Variants in CCSER1 observed in about 807,000 individuals in gnomAD.
The protein encoded by CCSER1 is coiled-coil serine rich protein 1.
CCSER1 carries 41 observed loss-of-function variants against 82.0 expected under a neutral mutation model. The ratio of observed to expected loss-of-function variants is 0.50; its 90% CI spans 0.39 to 0.65. The LOEUF is 0.65. Ranked by LOEUF, CCSER1 falls within the 30% of genes least tolerant of loss-of-function variation. CCSER1 has a pLI of 0.00. For missense variants in CCSER1, 1,119 were observed against 1,064.2 expected (o/e 1.05, Z -0.72); for synonymous variants, 414 against 383.9 (o/e 1.08, Z -0.92).
chr4:91,340,946 C>T (rs1747683621), intron 10 of CCSER1, among the ~76,000 whole-genome samples: 1 of 152,252 alleles, frequency 6.6e-6, no homozygotes, highest in Middle Eastern at 3.4e-3. Flanking sequence ...TAGTCAGGAT[C>T]TATTGGCCTA....
chr4:91,521,578 G>C (rs12644099), intron 10 of CCSER1, among the ~76,000 whole-genome samples: 15,242 of 152,206 alleles, frequency 0.1, 840 homozygotes, highest in South Asian at 0.21. Context: ...CATGCTAACT[G>C]GTGCAAGATG....
At chr4:90,319,429 G>T (rs1173377890) in intron 3 of CCSER1, among the ~76,000 whole-genome samples, 1 of 152,048 alleles carries the variant, frequency 6.6e-6, no homozygotes, top group East Asian at 1.9e-4. Flanking sequence ...AGGTGGGCGG[G>T]TCATGAGGTT....
intron 3 of CCSER1, among the ~76,000 whole-genome samples, chr4:90,363,603 A>G: frequency 1.7e-5 from 2 of 114,716 alleles, no homozygotes; most frequent in East Asian, 4.3e-4. Context: ...TTTCAAGGGC[A>G]GAAAGAAAAA....
chr4:90,712,901 CTCT>C (rs1740906662), intron 6 of CCSER1, among the ~76,000 whole-genome samples: 1 of 128,886 alleles, frequency 7.8e-6, no homozygotes, highest in African/African-American at 2.9e-5. Context: ...TGTCCTTCGT[CTCT>C]TTTTTTTTTT....
chr4:90,994,071 C>G (rs1204112880), intron 9 of CCSER1, among the ~76,000 whole-genome samples: 2 of 151,958 alleles, frequency 1.3e-5, no homozygotes, highest in African/African-American at 4.8e-5. Context: ...CACTGGCATG[C>G]TCACGTAGTC....
intron 9 of CCSER1, among the ~76,000 whole-genome samples, chr4:91,034,078 C>T (rs1741226169): frequency 6.6e-6 from 1 of 152,162 alleles, no homozygotes; most frequent in Admixed American, 6.6e-5. Flanking sequence ...AAATCTCAGT[C>T]ACAAACATGA....
chr4:91,389,241 G>A (rs570786697), intron 10 of CCSER1, among the ~76,000 whole-genome samples: 16 of 151,354 alleles, frequency 1.1e-4, no homozygotes, highest in Admixed American at 1.1e-3. Context: ...TTTTTGTGAA[G>A]AGTGTTAAGA....
At chr4:90,722,837 T>G (rs1004205393) in intron 6 of CCSER1, among the ~76,000 whole-genome samples, 4 of 151,944 alleles carry the variant, frequency 2.6e-5, no homozygotes, top group Admixed American at 1.3e-4. Flanking sequence ...TATTGTACAT[T>G]TGAATACAGT....
intron 10 of CCSER1, among the ~76,000 whole-genome samples, chr4:91,344,108 G>A (rs1370965692): frequency 6.6e-6 from 1 of 152,128 alleles, no homozygotes; most frequent in Non-Finnish European, 1.5e-5. Flanking sequence ...AAGAAGTGGG[G>A]CCTTTAGAAG....
intron 3 of CCSER1, among the ~76,000 whole-genome samples, chr4:90,372,000 A>G (rs1262090808): frequency 1.3e-5 from 2 of 152,234 alleles, no homozygotes; most frequent in East Asian, 1.9e-4. Flanking sequence ...GTGTTCACAT[A>G]TTAACCCATA....
chr4:91,154,548 A>G (rs1270419530), intron 10 of CCSER1, among the ~76,000 whole-genome samples: 1 of 151,934 alleles, frequency 6.6e-6, no homozygotes, highest in East Asian at 1.9e-4. Flanking sequence ...ACTGTCCAAC[A>G]AGCTCCAGTG....
intron 1 of CCSER1, among the ~76,000 whole-genome samples, chr4:90,232,448 C>A (rs1744794289): frequency 6.6e-6 from 1 of 152,108 alleles, no homozygotes; most frequent in African/African-American, 2.4e-5. Context: ...GGATCCCTTC[C>A]TTACACCTTA....
chr4:90,440,893 CT>C (rs1177300070), intron 4 of CCSER1, among the ~76,000 whole-genome samples: 3 of 151,958 alleles, frequency 2.0e-5, no homozygotes, highest in Admixed American at 6.6e-5. Flanking sequence ...AAAGAAGACA[CT>C]TGCCCTATTC....
chr4:90,304,101 C>T (rs1282411643), intron 1 of CCSER1, among the ~76,000 whole-genome samples: 2 of 152,014 alleles, frequency 1.3e-5, no homozygotes, highest in African/African-American at 4.8e-5. Context: ...CAATGAGATA[C>T]CATCTCACAC....
chr4:91,391,086 GT>G (rs925723721), intron 10 of CCSER1, among the ~76,000 whole-genome samples: 5 of 150,956 alleles, frequency 3.3e-5, no homozygotes, highest in East Asian at 1.9e-4. Flanking sequence ...TAATTTTCAT[GT>G]TTTTTTTAAT....
intron 7 of CCSER1, among the ~76,000 whole-genome samples, chr4:90,803,275 C>A (rs1396826494): frequency 6.6e-6 from 1 of 152,080 alleles, no homozygotes; most frequent in Non-Finnish European, 1.5e-5. Context: ...AGTTTTCTTA[C>A]ACAGGTATAC....
chr4:91,373,183 A>G (rs1056359105), intron 10 of CCSER1, among the ~76,000 whole-genome samples: 42 of 152,062 alleles, frequency 2.8e-4, no homozygotes, highest in African/African-American at 9.9e-4. Flanking sequence ...ATTATAGGCC[A>G]CATTTCTCCC....
intron 10 of CCSER1, among the ~76,000 whole-genome samples, chr4:91,572,250 C>T (rs1380253312): frequency 6.6e-6 from 1 of 152,080 alleles, no homozygotes. Context: ...GTGGTATCAC[C>T]AGAGAAGGCT....
At chr4:90,473,227 A>T (rs1363565962) in intron 5 of CCSER1, among the ~76,000 whole-genome samples, 1 of 152,184 alleles carries the variant, frequency 6.6e-6, no homozygotes, top group East Asian at 1.9e-4. Flanking sequence ...TTTTTTAGAA[A>T]TGTGCTTGTT....
Sources: gnomAD v4.1 joint callset for allele counts (sites outside exome capture counted in the v4.1 genomes callset) on GRCh38, gnomAD v4.1.1 for gene constraint, MANE v1.5 for transcripts, NCBI Gene and HGNC (gene_info 2026-07-23, HGNC 2026-07-21) for gene names.